PSME4: variants seen among roughly 807,000 people sequenced by gnomAD.
PSME4 encodes the protein proteasome activator subunit 4.
A neutral mutation model predicts 253.9 loss-of-function variants in PSME4; 89 were observed. That is an observed-to-expected ratio of 0.35 (90% CI 0.30 to 0.42). The LOEUF (loss-of-function observed/expected upper bound fraction) is 0.42. Ranked by LOEUF, PSME4 falls within the 10% of genes least tolerant of loss-of-function variation. The pLI, the probability that PSME4 is intolerant of heterozygous loss-of-function variation, is 1.00. For synonymous variants in PSME4, 851 were observed against 759.2 expected (o/e 1.12, Z -1.99); for missense variants, 2,014 against 2,195.2 (o/e 0.92, Z 1.65).
Position 53,923,407 on chromosome 2 carries a change from T to C in PSME4, c.1822A>G (p.Lys608Glu). ...TGTGAAGTAGAAAAATTAAAAACCT[T>C]CTGAAGGGCCACCTGTTAAGATATG... ...SKEIFMVALQ[K>E]VFNFSTSHIF... The change falls in exon 15 of 47, where the codon AAG becomes GAG. Residue 608 changes from lysine to glutamate, a missense_variant. This residue lies in a region of PSME4 where 989 missense variants were observed against 1,021.1 expected (regional missense o/e 0.97). Transcript: ENST00000404125. 14 of 1,604,486 alleles carry C rather than the reference T, an allele frequency of 8.7e-6. No individual in the cohort carries two copies. Among genetic ancestry groups the C allele is most frequent in the Non-Finnish European group, 9.3e-6 (11 of 1,177,054 alleles).
rs1192865991 is a variant in PSME4 at position 53,970,874 on chromosome 2, C to T, written c.-90G>A. On this transcript the variant is annotated 5_prime_UTR_variant, in exon 1 of 47. Coordinates refer to ENST00000404125, the MANE Select transcript of PSME4 (RefSeq NM_014614.3). The stretch of plus-strand genomic sequence containing the variant: ...GGCTCCGCCTCCTCCGCGTCTTCGT[C>T]GCCCTGCGGCCGCTGGCGGCCCGTC... 2.6e-6 allele frequency: 3 copies of T among 1,174,472 alleles called. No individual in the cohort carries two copies. Among genetic ancestry groups the T allele is most frequent in the African/African-American group, 1.7e-5 (1 of 60,418 alleles). 72.8% of individuals were successfully genotyped at this position (1,174,472 alleles called of 1,614,324 possible).
chr2:53,898,959 A>G (rs1187929784), intron 29 of PSME4, among the ~76,000 whole-genome samples: 4 of 152,214 alleles, frequency 2.6e-5, no homozygotes, highest in Non-Finnish European at 5.9e-5. Context: ...TTAGGAATTA[A>G]TGACTGATGT....
At chr2:53,930,034 A>T (rs896625036) in intron 10 of PSME4, among the ~76,000 whole-genome samples, 19 of 150,530 alleles carry the variant, frequency 1.3e-4, no homozygotes, top group Middle Eastern at 6.8e-3. Context: ...AATAAATAAT[A>T]AATAAATAAA....
rs753775569 is a variant in PSME4, at chr2:53,890,163, G to A, written c.4237C>T (p.Leu1413=). The A allele has an allele frequency of 3.7e-5, 60 of 1,613,902 alleles. No individual in the cohort carries two copies. The highest frequency in any genetic ancestry group is 4.9e-5 in the Non-Finnish European group (58 of 1,179,930). The change falls in exon 37 of 47, where the codon CTG becomes TTG. Residue 1413 remains leucine (L), a synonymous_variant. Transcript: ENST00000404125. ...TAAGTTTCTACGGTAATATTGGACA[G>A]TGCTGTTCTAAGCAGAGGGCACAGA... ...ELLCPLLRTA[L]SNITVETYND...
intron 1 of PSME4, among the ~76,000 whole-genome samples, chr2:53,953,142 T>C (rs1245653743): frequency 6.6e-6 from 1 of 152,190 alleles, no homozygotes; most frequent in Non-Finnish European, 1.5e-5. Context: ...CAGCAAGTGG[T>C]TCTTATCTCA....
At chr2:53,923,027 G>A (rs1316252925) in intron 16 of PSME4, 22 bp downstream of exon 16, 3 of 1,468,222 alleles carry the variant, frequency 2.0e-6, no homozygotes, top group Non-Finnish European at 1.8e-6. Context: ...TGTAAAGAGA[G>A]AATAATGACC....
At chr2:53,899,824 A>C in intron 29 of PSME4, 57 bp downstream of exon 29, 1 of 1,584,040 alleles carries the variant, frequency 6.3e-7, no homozygotes, top group Admixed American at 1.8e-5. Flanking sequence ...TCTCAAAAAA[A>C]AGCCAAAACT....
In PSME4 at chr2:53,970,985, G is replaced by A. The variant is rs959768969; in HGVS notation, c.-201C>T. ...CTCTCAGTTCGTTGGCGGCGGCAGC[G>A]GCCGCTCTGCCCGCCCCGCACCGGC... On this transcript the variant is annotated 5_prime_UTR_variant, in exon 1 of 47. Transcript: ENST00000404125. 7 of 464,610 alleles carry A rather than the reference G, an allele frequency of 1.5e-5. No homozygotes were observed. Among genetic ancestry groups the A allele is most frequent in the Non-Finnish European group, 2.6e-5 (7 of 270,470 alleles). 28.8% of individuals were successfully genotyped at this position (464,610 alleles called of 1,614,324 possible).
At chr2:53,922,968 G>A in intron 16 of PSME4, 81 bp downstream of exon 16, 1 of 1,120,142 alleles carries the variant, frequency 8.9e-7, no homozygotes, top group Non-Finnish European at 1.2e-6. Context: ...AAAGGAATCT[G>A]TTGTCATTAA....
At chr2:53,866,701 A>G (rs983783570) in intron 45 of PSME4, 46 bp downstream of exon 45, 4 of 1,564,918 alleles carry the variant, frequency 2.6e-6, no homozygotes, top group Non-Finnish European at 3.5e-6. Flanking sequence ...TTTCTTAGAA[A>G]ACATCACTGA....
chr2:53,916,133 G>C (rs1004286366), intron 20 of PSME4, among the ~76,000 whole-genome samples: 3 of 150,670 alleles, frequency 2.0e-5, no homozygotes, highest in African/African-American at 7.3e-5. Flanking sequence ...TGTAATCCCA[G>C]CTACTCAGGA....
chr2:53,944,675 C>G (rs1200282451), intron 3 of PSME4, among the ~76,000 whole-genome samples: 1 of 152,102 alleles, frequency 6.6e-6, no homozygotes, highest in Non-Finnish European at 1.5e-5. Context: ...CATCCATGAG[C>G]TGCTGGTAGT....
chr2:53,887,279 C>T lies in PSME4; in HGVS notation c.4709G>A (p.Gly1570Asp). 6.2e-6 allele frequency: 10 copies of T among 1,613,622 alleles called. No homozygotes were observed. Among genetic ancestry groups the T allele is most frequent in the Non-Finnish European group, 8.5e-6 (10 of 1,179,580 alleles). ...CTCACTGGTTTTCAAGAGTTTAATG[C>T]CCTGAGTTCGCTCATCTTCTTCACC... is the stretch of plus-strand genomic sequence containing the variant. ...GIGEEDERTQ[G>D]IKLLKTILKW... Residue 1570 changes from glycine to aspartate, a missense_variant, in exon 40 of 47, where the codon GGC becomes GAC. This residue lies in a region of PSME4 where 403 missense variants were observed against 556.1 expected (regional missense o/e 0.72). Coordinates refer to ENST00000404125, the MANE Select transcript of PSME4 (RefSeq NM_014614.3).
intron 7 of PSME4, 101 bp downstream of exon 7, chr2:53,935,986 T>A: frequency 6.9e-7 from 1 of 1,444,666 alleles, no homozygotes; most frequent in Non-Finnish European, 9.2e-7. Flanking sequence ...CTCAGCCTCC[T>A]GGGTTCAAGA....
chr2:53,868,939 G>A (rs367557224), intron 44 of PSME4, among the ~76,000 whole-genome samples: 3 of 151,850 alleles, frequency 2.0e-5, no homozygotes, highest in South Asian at 2.1e-4. Flanking sequence ...CAATGACTCC[G>A]CACCCTCTCA....
chr2:53,928,751 G>C (rs893940542), intron 10 of PSME4, among the ~76,000 whole-genome samples: 2 of 152,134 alleles, frequency 1.3e-5, no homozygotes, highest in Non-Finnish European at 2.9e-5. Flanking sequence ...TCACCAGTAA[G>C]GGGAGACACT....
chr2:53,883,652 AAAGT>A (rs1679499463), intron 41 of PSME4, among the ~76,000 whole-genome samples: 1 of 152,226 alleles, frequency 6.6e-6, no homozygotes, highest in Non-Finnish European at 1.5e-5. Flanking sequence ...TAGTTCATAT[AAAGT>A]AAGTTACGAG....
chr2:53,890,976 G>A (rs753155764), intron 36 of PSME4, among the ~76,000 whole-genome samples: 5 of 152,238 alleles, frequency 3.3e-5, no homozygotes, highest in South Asian at 2.1e-4. Flanking sequence ...GCAGTGAGCC[G>A]AGATCATCCC....
chr2:53,880,653 C>G (rs1387947037), intron 41 of PSME4, among the ~76,000 whole-genome samples: 1 of 152,144 alleles, frequency 6.6e-6, no homozygotes, highest in Non-Finnish European at 1.5e-5. Flanking sequence ...AAACCAAAAT[C>G]ACCTTGCAGA....
Sources: gnomAD v4.1 joint callset for allele counts (sites outside exome capture counted in the v4.1 genomes callset) on GRCh38, gnomAD v4.1.1 for gene constraint, gnomAD v4.1.1 regional missense constraint, MANE v1.5 for transcripts, NCBI Gene and HGNC (gene_info 2026-07-23, HGNC 2026-07-21) for gene names.